The following PPFIBP2 variants were observed in gnomAD, a reference collection of about 807,000 sequenced individuals.
PPFIBP2 encodes PPFIB scaffold protein 2.
PPFIBP2 carries 118 observed loss-of-function variants against 118.3 expected under a neutral mutation model. The observed-to-expected ratio is 1.00, with a 90% CI of 0.86 to 1.16. The LOEUF (loss-of-function observed/expected upper bound fraction) is 1.16, where lower values mean the gene tolerates loss of function less well. PPFIBP2 is among the 50% of genes most tolerant of loss of function. The probability of loss-of-function intolerance (pLI) is 0.00; values close to 1 mark genes in which losing one functional copy is unlikely to be tolerated. For synonymous variants in PPFIBP2, 414 were observed against 397.4 expected (o/e 1.04, Z -0.50); for missense variants, 1,195 against 1,073.1 (o/e 1.11, Z -1.59).
intron 8 of PPFIBP2, among the ~76,000 whole-genome samples, chr11:7,627,454 C>CT (rs60052463): frequency 0.15 from 21,461 of 147,412 alleles, 2,338 homozygotes; most frequent in African/African-American, 0.31. Flanking sequence ...TTCCCTTGTA[C>CT]TTTTTTTTTT....
At chr11:7,593,058 C>G in intron 3 of PPFIBP2, 74 bp from the exon 4 acceptor site, 1 of 1,577,032 alleles carries the variant, frequency 6.3e-7, no homozygotes, top group Non-Finnish European at 8.6e-7. Context: ...ACATGCATCC[C>G]TTATTTCATT....
intron 8 of PPFIBP2, among the ~76,000 whole-genome samples, chr11:7,626,807 T>G (rs1284523972): frequency 6.6e-6 from 1 of 152,238 alleles, no homozygotes; most frequent in African/African-American, 2.4e-5. Flanking sequence ...TACGGATTGG[T>G]GCCACTACCT....
chr11:7,547,283 G>A (rs912216124), intron 1 of PPFIBP2, among the ~76,000 whole-genome samples: 5 of 152,148 alleles, frequency 3.3e-5, no homozygotes, highest in African/African-American at 9.7e-5. Context: ...GATGGCAGGC[G>A]TATTGCAGAG....
At chr11:7,566,039 T>TCACA (rs10617506) in intron 3 of PPFIBP2, among the ~76,000 whole-genome samples, 3 of 146,410 alleles carry the variant, frequency 2.0e-5, no homozygotes, top group Non-Finnish European at 3.1e-5. Flanking sequence ...ATTTAAGATT[T>TCACA]CACACACACA....
Position 7,652,627 on chromosome 11 carries a change from G to A in PPFIBP2, c.2437-397G>A, listed in dbSNP as rs1684967242. The stretch of plus-strand genomic sequence containing the variant: ...GGGGCTATCCTACGCGCCTTTAGAT[G>A]GTGCCAGGTGCTGAGATGGGAAAGG... On this transcript the variant is annotated intron_variant, in intron 23 of 23. Coordinates refer to ENST00000299492, the MANE Select transcript of PPFIBP2 (RefSeq NM_003621.5). Among the ~76,000 whole-genome samples the A allele has an allele frequency of 2.0e-5, 3 of 152,230 alleles. No homozygotes were observed. In the South Asian group the frequency reaches 6.2e-4, roughly 31 times the overall value.
At chr11:7,531,293 C>T (rs749591466) in intron 1 of PPFIBP2, among the ~76,000 whole-genome samples, 3 of 152,186 alleles carry the variant, frequency 2.0e-5, no homozygotes, top group Non-Finnish European at 2.9e-5. Context: ...TCCCCTGCCT[C>T]CCCACATGCT....
the PPFIBP2 span, chr11:7,665,539 C>A: frequency 1.2e-6 from 2 of 1,602,198 alleles, no homozygotes; most frequent in South Asian, 2.3e-5. Flanking sequence ...CTGAGCTGTA[C>A]TTCCAGCCTG....
intron 1 of PPFIBP2, among the ~76,000 whole-genome samples, chr11:7,526,690 G>A (rs369674888): frequency 3.3e-5 from 5 of 152,214 alleles, no homozygotes; most frequent in Admixed American, 6.5e-5. Flanking sequence ...GGCTAACACG[G>A]TGAAACCCCA....
chr11:7,556,667 T>C (rs1311905015), intron 2 of PPFIBP2, among the ~76,000 whole-genome samples: 2 of 152,252 alleles, frequency 1.3e-5, no homozygotes, highest in Non-Finnish European at 2.9e-5. Context: ...TTCCTTAAAA[T>C]TTGATAGTCT....
intron 17 of PPFIBP2, among the ~76,000 whole-genome samples, chr11:7,643,242 G>T (rs1285452436): frequency 6.6e-6 from 1 of 152,042 alleles, no homozygotes; most frequent in East Asian, 1.9e-4. Context: ...TGATTTATCT[G>T]AGCTGAAAAA....
chr11:7,600,170 T>C (rs951140559), intron 5 of PPFIBP2, among the ~76,000 whole-genome samples: 3 of 152,218 alleles, frequency 2.0e-5, no homozygotes, highest in Non-Finnish European at 2.9e-5. Context: ...GGTCAAATGA[T>C]AGCAGTGTGC....
intron 5 of PPFIBP2, among the ~76,000 whole-genome samples, chr11:7,600,029 A>T (rs1375976926): frequency 6.6e-6 from 1 of 152,052 alleles, no homozygotes; most frequent in African/African-American, 2.4e-5. Flanking sequence ...ACCATGTGCC[A>T]TAGAGGGTAG....
intron 1 of PPFIBP2, among the ~76,000 whole-genome samples, chr11:7,534,144 T>G (rs879403248): frequency 2.6e-5 from 4 of 152,156 alleles, no homozygotes; most frequent in Admixed American, 2.6e-4. Context: ...GAGCACCAAA[T>G]GAGTCATCAG....
intron 13 of PPFIBP2, 134 bp downstream of exon 13, chr11:7,634,686 C>G (rs1463243591): frequency 4.2e-6 from 3 of 706,126 alleles, no homozygotes; most frequent in African/African-American, 3.6e-5. Flanking sequence ...GCAGGAATTA[C>G]ATGAACATTT....
At chr11:7,623,143 A>G (rs1263402178) in intron 7 of PPFIBP2, among the ~76,000 whole-genome samples, 1 of 152,152 alleles carries the variant, frequency 6.6e-6, no homozygotes, top group Non-Finnish European at 1.5e-5. Flanking sequence ...TGCTGTTTCC[A>G]ACATCATCCT....
intron 1 of PPFIBP2, among the ~76,000 whole-genome samples, chr11:7,549,103 C>T (rs1458836328): frequency 3.3e-5 from 5 of 152,204 alleles, no homozygotes; most frequent in Non-Finnish European, 4.4e-5. Context: ...CACTTAGTGG[C>T]GCCTTTCACA....
rs577534515 is a variant in PPFIBP2 at position 7,606,287 on chromosome 11, T to C, written c.487-4004T>C. ...TGAAAAAACATGATTCACTTTATGT[T>C]GGAAGTAGAAGGAGCAATTGAGGAT... is the stretch of plus-strand genomic sequence containing the variant. On this transcript the variant is annotated intron_variant, in intron 5 of 23. Transcript: ENST00000299492. Among the ~76,000 whole-genome samples the C allele has an allele frequency of 3.6e-4, 55 of 152,332 alleles. No homozygotes were observed. In the East Asian group the frequency reaches 0.01, roughly 29 times the overall value.
intron 22 of PPFIBP2, 139 bp from the exon 23 acceptor site, chr11:7,651,517 T>G (rs1186509269): frequency 1.4e-6 from 1 of 698,040 alleles, no homozygotes; most frequent in Non-Finnish European, 2.4e-6. Flanking sequence ...GTGAGTGGAG[T>G]GGGACTCAGA....
the PPFIBP2 span, among the ~76,000 whole-genome samples, chr11:7,663,818 C>A: frequency 6.6e-6 from 1 of 152,244 alleles, no homozygotes; most frequent in African/African-American, 2.4e-5. Flanking sequence ...GGCGTATGAC[C>A]CTCCCAGCCA....
Sources: gnomAD v4.1 joint callset for allele counts (sites outside exome capture counted in the v4.1 genomes callset) on GRCh38, gnomAD v4.1.1 for gene constraint, MANE v1.5 for transcripts, NCBI Gene and HGNC (gene_info 2026-07-23, HGNC 2026-07-21) for gene names.